SYN1: variants seen among roughly 807,000 people sequenced by gnomAD.
SYN1 encodes the protein synapsin-1.
In SYN1, 8 loss-of-function variants were observed where a neutral mutation model predicts 44.6. The ratio of observed to expected loss-of-function variants is 0.18; its 90% CI spans 0.11 to 0.32. The LOEUF (loss-of-function observed/expected upper bound fraction) is 0.32. SYN1 is among the 10% of genes least tolerant of loss of function. The pLI, the probability that SYN1 is intolerant of heterozygous loss-of-function variation, is 1.00. For synonymous variants in SYN1, 275 were observed against 280.1 expected (o/e 0.98, Z 0.18); for missense variants, 451 against 639.4 (o/e 0.71, Z 3.18).
chrX:47,609,705 C>T (rs1490708584), intron 1 of SYN1, among the ~76,000 whole-genome samples: 1 of 111,994 alleles, frequency 8.9e-6, no homozygotes, highest in African/African-American at 3.2e-5. Context: ...TAGATAGCCT[C>T]CGATATGCTG....
At chrX:47,606,892 G>A in intron 3 of SYN1, 53 bp downstream of exon 3, 1 of 1,125,797 alleles carries the variant, frequency 8.9e-7, no homozygotes, top group Admixed American at 2.2e-5. Context: ...CCAGCTCTAA[G>A]GGAGAGTTCT....
At chrX:47,613,166 G>A (rs1038506716) in intron 1 of SYN1, among the ~76,000 whole-genome samples, 3 of 104,026 alleles carry the variant, frequency 2.9e-5, no homozygotes, top group Non-Finnish European at 3.9e-5. Flanking sequence ...AGGGAGGAGC[G>A]AGGATCTTTG....
chrX:47,572,644 G>A lies in SYN1; in HGVS notation c.*220C>T. On this transcript the variant is annotated 3_prime_UTR_variant, in exon 13 of 13. Coordinates refer to ENST00000295987, the MANE Select transcript of SYN1 (RefSeq NM_006950.3). Reference sequence around the variant, plus strand: ...TAGATCCTGAAGTGACCACGAGTGGGGTTCTAAAAGGACTTGGGGATTCCA... The same window carrying A: ...TAGATCCTGAAGTGACCACGAGTGGAGTTCTAAAAGGACTTGGGGATTCCA... The A allele has an allele frequency of 2.3e-6, 1 of 427,958 alleles. No individual in the cohort carries two copies. The highest frequency in any genetic ancestry group is 2.5e-5 in the African/African-American group (1 of 40,546). The allele number at this position is 427,958 out of a possible 1,213,427, so 35.3% of individuals were successfully genotyped here.
At chrX:47,612,660 G>C (rs1416910811) in intron 1 of SYN1, among the ~76,000 whole-genome samples, 1 of 112,231 alleles carries the variant, frequency 8.9e-6, no homozygotes, top group Non-Finnish European at 1.9e-5. Flanking sequence ...CTGTGCACCT[G>C]CTCATCTCCT....
chrX:47,593,326 G>A (rs1211952250), intron 5 of SYN1, among the ~76,000 whole-genome samples: 2 of 106,628 alleles, frequency 1.9e-5, no homozygotes, highest in African/African-American at 7.0e-5. Context: ...CTGGAGTGCA[G>A]TGGCATGATC....
At chrX:47,585,207 G>T in intron 5 of SYN1, 2 of 1,186,224 alleles carry the variant, frequency 1.7e-6, no homozygotes, top group Non-Finnish European at 2.3e-6. Context: ...ATCAACAGAT[G>T]TATAAAGGGT....
At chrX:47,576,708 G>A in intron 6 of SYN1, 68 bp from the exon 7 acceptor site, 2 of 1,177,655 alleles carry the variant, frequency 1.7e-6, no homozygotes, top group Non-Finnish European at 2.3e-6. Flanking sequence ...GGGGGTGCCT[G>A]GGGGAGCATG....
Position 47,574,781 on chromosome X carries a change from G to A in SYN1, c.1306-6C>T, listed in dbSNP as rs766013694. 4.3e-6 allele frequency: 5 copies of A among 1,174,646 alleles called. No individual in the cohort carries two copies. Among genetic ancestry groups the A allele is most frequent in the Non-Finnish European group, 5.7e-6 (5 of 874,392 alleles). On this transcript the variant is annotated splice_polypyrimidine_tract_variant and splice_region_variant and intron_variant, in intron 10 of 12. Coordinates refer to ENST00000295987, the MANE Select transcript of SYN1 (RefSeq NM_006950.3). ...AGGGCCCCTGGGGACGGAGTCTGCG[G>A]CAGAGGAATGGAGCAGGAGAGGTTA...
At chrX:47,614,412 T>TG (rs1385035536) in intron 1 of SYN1, among the ~76,000 whole-genome samples, 1 of 108,788 alleles carries the variant, frequency 9.2e-6, no homozygotes, top group African/African-American at 3.4e-5. Flanking sequence ...TAGCTGAGGG[T>TG]GGGGGGAATC....
At chrX:47,583,532 C>A in intron 5 of SYN1, 1 of 1,195,790 alleles carries the variant, frequency 8.4e-7, no homozygotes, top group Non-Finnish European at 1.1e-6. Context: ...GCAATTCCGA[C>A]CTCGGTGAGT....
intron 3 of SYN1, 57 bp from the exon 4 acceptor site, chrX:47,605,436 C>T (rs1449078520): frequency 5.3e-5 from 63 of 1,177,652 alleles, no homozygotes; most frequent in South Asian, 1.3e-4. Context: ...CAATCACTCT[C>T]GAAACAAAGA....
intron 5 of SYN1, among the ~76,000 whole-genome samples, chrX:47,584,671 G>A (rs181652137): frequency 8.9e-6 from 1 of 112,174 alleles, no homozygotes; most frequent in Admixed American, 9.4e-5. Flanking sequence ...ACAATGTCTG[G>A]CACACAGTGG....
chrX:47,596,362 T>C (rs926839352), intron 5 of SYN1, among the ~76,000 whole-genome samples: 2 of 112,800 alleles, frequency 1.8e-5, no homozygotes, highest in African/African-American at 6.4e-5. Flanking sequence ...CAGTCCATTA[T>C]TAGGCTTTAA....
intron 5 of SYN1, among the ~76,000 whole-genome samples, chrX:47,598,157 C>T (rs191300624): frequency 6.3e-5 from 7 of 111,761 alleles, no homozygotes; most frequent in Non-Finnish European, 1.1e-4. Flanking sequence ...CATTTTTTTG[C>T]GTGTAACACT....
chrX:47,572,680 C>T lies in SYN1; in HGVS notation c.*184G>A, dbSNP rs920897995. 3.5e-6 allele frequency: 2 copies of T among 578,029 alleles called. No homozygotes were observed. Among genetic ancestry groups the T allele is most frequent in the Non-Finnish European group, 2.7e-6 (1 of 373,418 alleles). 47.6% of individuals were successfully genotyped at this position (578,029 alleles called of 1,213,427 possible). On this transcript the variant is annotated 3_prime_UTR_variant, in exon 13 of 13. Coordinates refer to ENST00000295987, the MANE Select transcript of SYN1 (RefSeq NM_006950.3). ...GACTTGGGGATTCCACATGTGAGAA[C>T]CGGATTTAGGGCCAGGAGGAGTCAG...
At chrX:47,582,651 A>G in intron 5 of SYN1, 2 of 322,496 alleles carry the variant, frequency 6.2e-6, no homozygotes, top group Non-Finnish European at 1.3e-5. Flanking sequence ...TGCTTTCCCA[A>G]CCCCGAGGCT....
rs372445055 is a variant in SYN1, at chrX:47,574,709, G to C, written c.1372C>G (p.Gln458Glu). 240 of 1,184,557 alleles carry C rather than the reference G, an allele frequency of 2.0e-4. No homozygotes were observed. Among genetic ancestry groups the C allele is most frequent in the Non-Finnish European group, 2.7e-4 (234 of 882,818 alleles). ...TTACCCTGTGGTGGGGGTCGCTGCTGAGCCGGGGGCCCTGCGGGCTGCTGG... is the reference window on the plus strand; with the variant it reads ...TTACCCTGTGGTGGGGGTCGCTGCTCAGCCGGGGGCCCTGCGGGCTGCTGG... ...TSQQPAGPPA[Q>E]QRPPPQGGPP... Residue 458 changes from glutamine (Q) to glutamate (E), a missense_variant, in exon 11 of 13, where the codon CAG becomes GAG. Gln to Glu is a conservative substitution (Grantham distance 29). Around this residue, in one of 3 missense-constraint regions of SYN1, gnomAD observed 315 missense variants for 451.4 expected, o/e 0.70. Coordinates refer to ENST00000295987, the MANE Select transcript of SYN1 (RefSeq NM_006950.3).
chrX:47,577,106 A>G lies in SYN1; in HGVS notation c.837+333T>C, dbSNP rs149554779. ...ACAGGACCCCAAGACTTTGGAACAT[A>G]AAAGATCACACCACATCATGTGTGT... is the stretch of plus-strand genomic sequence containing the variant. On this transcript the variant is annotated intron_variant, in intron 6 of 12. Coordinates refer to ENST00000295987, the MANE Select transcript of SYN1 (RefSeq NM_006950.3). Among the ~76,000 whole-genome samples, 1,023 of 111,020 alleles carry G rather than the reference A, an allele frequency of 9.2e-3. 3 individuals are homozygous for G. Among genetic ancestry groups the G allele is most frequent in the Non-Finnish European group, 0.012 (643 of 52,971 alleles).
chrX:47,586,221 C>A, intron 5 of SYN1: 1 of 752,398 alleles, frequency 1.3e-6, no homozygotes, highest in South Asian at 6.7e-5. Context: ...CGGGTGGGGC[C>A]CCTTACTACT....
Sources: allele counts gnomAD v4.1 joint callset (sites outside exome capture counted in the v4.1 genomes callset), GRCh38; gene constraint gnomAD v4.1.1; regional missense constraint gnomAD v4.1.1; transcripts MANE v1.5; gene names NCBI Gene and HGNC (gene_info 2026-07-23, HGNC 2026-07-21).